Variants in EPHA4 observed in about 807,000 individuals in gnomAD.
EPHA4 encodes the protein EPH receptor A4.
Under a neutral mutation model 108.3 loss-of-function variants are expected in EPHA4, and 19 were observed. The ratio of observed to expected loss-of-function variants is 0.18; its 90% confidence interval spans 0.12 to 0.26. EPHA4 has a LOEUF of 0.26. Ranked by LOEUF, EPHA4 falls within the 10% of genes least tolerant of loss-of-function variation. The pLI, the probability that EPHA4 is intolerant of heterozygous loss-of-function variation, is 1.00. For missense variants in EPHA4, 917 were observed against 1,254.0 expected (o/e 0.73, Z 4.06); for synonymous variants, 449 against 455.5 (o/e 0.99, Z 0.18).
chr2:221,564,505 G>A, intron 2 of EPHA4, 111 bp from the exon 3 acceptor site: 1 of 1,046,684 alleles, frequency 9.6e-7, no homozygotes, highest in Non-Finnish European at 1.4e-6. Flanking sequence ...CAATAATGAA[G>A]CAAACTACTG....
chr2:221,420,688 T>C (rs990493822), intron 17 of EPHA4, 136 bp from the exon 18 acceptor site: 6 of 152,074 alleles, frequency 3.9e-5, no homozygotes, highest in Non-Finnish European at 7.4e-5. Context: ...AGTGGTGAGA[T>C]CACGAATTAT....
At chr2:221,523,827 A>G (rs1321431510) in intron 3 of EPHA4, among the ~76,000 whole-genome samples, 1 of 140,936 alleles carries the variant, frequency 7.1e-6, no homozygotes, top group South Asian at 2.5e-4. Context: ...AAACTCCTGA[A>G]CTCAAATGAC....
At chr2:221,545,600 C>T (rs1356066164) in intron 3 of EPHA4, among the ~76,000 whole-genome samples, 1 of 152,082 alleles carries the variant, frequency 6.6e-6, no homozygotes, top group Non-Finnish European at 1.5e-5. Flanking sequence ...CATGCCAAAC[C>T]CCTACCCCTT....
intron 14 of EPHA4, among the ~76,000 whole-genome samples, chr2:221,433,278 A>T (rs1690137736): frequency 1.3e-5 from 2 of 152,216 alleles, no homozygotes; most frequent in South Asian, 4.1e-4. Flanking sequence ...TTTTGAAAAG[A>T]AGTTTCCAAA....
At chr2:221,488,294 C>G (rs13026659) in intron 4 of EPHA4, among the ~76,000 whole-genome samples, 1 of 151,842 alleles carries the variant, frequency 6.6e-6, no homozygotes, top group African/African-American at 2.4e-5. Flanking sequence ...CATGTAATTC[C>G]AGGAACTAAA....
At chr2:221,483,706 G>T (rs939012491) in intron 4 of EPHA4, among the ~76,000 whole-genome samples, 2 of 152,030 alleles carry the variant, frequency 1.3e-5, no homozygotes, top group African/African-American at 4.8e-5. Flanking sequence ...GGCCATGTTG[G>T]CCAGGCCAGT....
intron 1 of EPHA4, among the ~76,000 whole-genome samples, chr2:221,570,591 C>T (rs1694801961): frequency 6.6e-6 from 1 of 152,180 alleles, no homozygotes; most frequent in African/African-American, 2.4e-5. Context: ...TGTCTGTGGG[C>T]AGGTGTATAA....
At chr2:221,520,541 CACAGAGAGAG>C in intron 3 of EPHA4, among the ~76,000 whole-genome samples, 1 of 34,994 alleles carries the variant, frequency 2.9e-5, no homozygotes, top group East Asian at 5.0e-4. Context: ...CACACACACA[CACAGAGAGAG>C]AGAGAGAGAG....
chr2:221,435,378 G>C (rs762194211), intron 13 of EPHA4, among the ~76,000 whole-genome samples: 1 of 151,442 alleles, frequency 6.6e-6, no homozygotes, highest in Non-Finnish European at 1.5e-5. Flanking sequence ...CATTCACAAA[G>C]ATCTATTCTT....
intron 5 of EPHA4, among the ~76,000 whole-genome samples, chr2:221,479,438 C>A (rs1207438697): frequency 2.0e-5 from 3 of 152,190 alleles, no homozygotes; most frequent in Non-Finnish European, 1.5e-5. Flanking sequence ...AGATGGAGAA[C>A]CACTAACTTT....
chr2:221,499,715 AATATATATATATATATATAT>A (rs369326575), intron 4 of EPHA4, among the ~76,000 whole-genome samples: 5 of 48,452 alleles, frequency 1.0e-4, no homozygotes, highest in East Asian at 7.5e-4. Flanking sequence ...AACTAAAACT[AATATATATATATATATATAT>A]ATATATATAT....
At chr2:221,491,498 G>C (rs1486023291) in intron 4 of EPHA4, among the ~76,000 whole-genome samples, 1 of 152,126 alleles carries the variant, frequency 6.6e-6, no homozygotes, top group Admixed American at 6.6e-5. Flanking sequence ...AAACAACCCT[G>C]CTTCCCTTTC....
intron 3 of EPHA4, among the ~76,000 whole-genome samples, chr2:221,526,160 T>G (rs2106178563): frequency 6.6e-6 from 1 of 152,360 alleles, no homozygotes; most frequent in South Asian, 2.1e-4. Context: ...GCATATACAG[T>G]TAAGCAGTTG....
chr2:221,557,599 T>C (rs969144166), intron 3 of EPHA4, among the ~76,000 whole-genome samples: 4 of 152,230 alleles, frequency 2.6e-5, no homozygotes, highest in Admixed American at 6.5e-5. Context: ...CCAAAGGCAG[T>C]TCTTGGCCAT....
intron 5 of EPHA4, among the ~76,000 whole-genome samples, chr2:221,458,826 C>T (rs1171473211): frequency 6.6e-6 from 1 of 152,188 alleles, no homozygotes; most frequent in Non-Finnish European, 1.5e-5. Flanking sequence ...ATGGCTGGTA[C>T]CCATGCACAA....
intron 5 of EPHA4, among the ~76,000 whole-genome samples, chr2:221,463,764 G>A (rs368142256): frequency 3.3e-5 from 5 of 152,240 alleles, no homozygotes; most frequent in African/African-American, 9.6e-5. Flanking sequence ...CAGCAGTTTG[G>A]TCCTTGTGAC....
At chr2:221,552,752 A>G (rs1425992425) in intron 3 of EPHA4, among the ~76,000 whole-genome samples, 1 of 152,238 alleles carries the variant, frequency 6.6e-6, no homozygotes, top group Non-Finnish European at 1.5e-5. Context: ...GATAGCTAAT[A>G]TGTAGAAAGA....
intron 3 of EPHA4, among the ~76,000 whole-genome samples, chr2:221,515,406 A>G (rs1222085562): frequency 6.6e-6 from 1 of 152,200 alleles, no homozygotes; most frequent in Non-Finnish European, 1.5e-5. Flanking sequence ...AGCTACCTCA[A>G]TTTAAGAAAC....
rs1401818376 is a variant in EPHA4, at chr2:221,501,110, G to A, written c.886C>T (p.His296Tyr). 1 of 1,613,388 alleles carries A rather than the reference G, an allele frequency of 6.2e-7. No homozygotes were observed. Among genetic ancestry groups the A allele is most frequent in the Admixed American group, 1.7e-5 (1 of 59,942 alleles). The part of the protein sequence containing the change: ...TDATCAKCPP[H>Y]SYSVWEGATS... ...GCTCCTTCCCAGACAGAGTAGCTGTGGGGTGGGCACTTGGCACAGGTGGCA... is the reference window on the plus strand; with the variant it reads ...GCTCCTTCCCAGACAGAGTAGCTGTAGGGTGGGCACTTGGCACAGGTGGCA... The change falls in exon 4 of 18, where the codon CAC (histidine) becomes TAC (tyrosine). Residue 296 changes from histidine to tyrosine, a missense_variant. Transcript: ENST00000281821.
Sources: gnomAD v4.1 joint callset for allele counts (sites outside exome capture counted in the v4.1 genomes callset) on GRCh38, gnomAD v4.1.1 for gene constraint, MANE v1.5 for transcripts, NCBI Gene and HGNC (gene_info 2026-07-23, HGNC 2026-07-21) for gene names.